Variants in HMHB1 observed in about 807,000 individuals in gnomAD.
The protein encoded by HMHB1 is minor histocompatibility protein HB-1.
Under a neutral mutation model 2.4 loss-of-function variants are expected in HMHB1, and 4 were observed. The ratio of observed to expected loss-of-function variants is 1.65; its 90% confidence interval spans 0.81 to 3.77. The LOEUF (loss-of-function observed/expected upper bound fraction) is 3.77. Among genes scored for constraint, HMHB1 ranks in the 30% most tolerant of loss-of-function variants. The pLI, the probability that HMHB1 is intolerant of heterozygous loss-of-function variation, is 0.01. For missense variants in HMHB1, 57 were observed against 44.2 expected, an observed-to-expected ratio of 1.29 and a Z score of -0.82; for synonymous variants, 22 against 17.6, an observed-to-expected ratio of 1.25 and a Z score of -0.63.
chr5:143,815,677 G>A (rs1448882867), intron 1 of HMHB1, among the ~76,000 whole-genome samples: 3 of 150,004 alleles, frequency 2.0e-5, no homozygotes, highest in African/African-American at 4.9e-5. Context: ...ACAGGTGAGC[G>A]CCACCATGCC....
intron 1 of HMHB1, among the ~76,000 whole-genome samples, chr5:143,817,565 T>C (rs1202394699): frequency 6.6e-6 from 1 of 152,256 alleles, no homozygotes; most frequent in Non-Finnish European, 1.5e-5. Context: ...TTGGTCTATG[T>C]GCCTATTTTT....
chr5:143,820,333 A>AC, intron 1 of HMHB1, 147 bp from the exon 2 acceptor site: 2 of 325,332 alleles, frequency 6.1e-6, no homozygotes, highest in Non-Finnish European at 5.5e-6. Context: ...AAAAAAAAAA[A>AC]AAAAAAAAAA....
At chr5:143,815,756 G>T (rs1759741038) in intron 1 of HMHB1, among the ~76,000 whole-genome samples, 1 of 150,116 alleles carries the variant, frequency 6.7e-6, no homozygotes, top group Non-Finnish European at 1.5e-5. Flanking sequence ...CCGGACTGCG[G>T]ACTGCAGTGG....
chr5:143,813,412 CAG>C (rs1484668557), intron 1 of HMHB1, among the ~76,000 whole-genome samples: 1 of 152,196 alleles, frequency 6.6e-6, no homozygotes, highest in African/African-American at 2.4e-5. Context: ...CCTCCTCCAT[CAG>C]AGCATGGGAT....
At chr5:143,818,165 A>G (rs1306973872) in intron 1 of HMHB1, among the ~76,000 whole-genome samples, 4 of 152,244 alleles carry the variant, frequency 2.6e-5, no homozygotes, top group Admixed American at 1.3e-4. Context: ...TTGAACTTCT[A>G]TATTATTCCA....
intron 1 of HMHB1, among the ~76,000 whole-genome samples, chr5:143,814,846 A>G (rs762265903): frequency 4.6e-5 from 7 of 152,202 alleles, no homozygotes; most frequent in Non-Finnish European, 7.3e-5. Flanking sequence ...GTTATCCTTC[A>G]AAGTAGTGCT....
Position 143,820,673 on chromosome 5 carries a change from C to A in HMHB1, c.*105C>A. On this transcript the variant is annotated 3_prime_UTR_variant, in exon 2 of 2. Coordinates refer to ENST00000289448, the MANE Select transcript of HMHB1 (RefSeq NM_021182.3). ...TAAAATTAAGCAAGTGGAACATATG[C>A]CCTTTGCCTCTGCTCTGCACAGTGA... The A allele has an allele frequency of 1.4e-6, 1 of 733,444 alleles. No homozygotes were observed. The highest frequency in any genetic ancestry group is 2.5e-6 in the Non-Finnish European group (1 of 402,060). The allele number at this position is 733,444 out of a possible 1,614,324, so 45.4% of individuals were successfully genotyped here.
chr5:143,812,383 T>G, intron 1 of HMHB1, 79 bp downstream of exon 1: 27 of 1,359,976 alleles, frequency 2.0e-5, no homozygotes, highest in Non-Finnish European at 2.7e-5. Flanking sequence ...AAGAAAATGC[T>G]GGTGGAATGA....
chr5:143,813,915 A>G (rs1195022005), intron 1 of HMHB1, among the ~76,000 whole-genome samples: 3 of 152,216 alleles, frequency 2.0e-5, no homozygotes, highest in Non-Finnish European at 2.9e-5. Flanking sequence ...CAAATATGGC[A>G]CATGATATTT....
At chr5:143,815,336 G>T (rs1337576375) in intron 1 of HMHB1, among the ~76,000 whole-genome samples, 1 of 152,196 alleles carries the variant, frequency 6.6e-6, no homozygotes, top group African/African-American at 2.4e-5. Context: ...CTCTTAGGGA[G>T]AATCCTTTTC....
chr5:143,813,716 C>A (rs567333511), intron 1 of HMHB1, among the ~76,000 whole-genome samples: 2 of 151,932 alleles, frequency 1.3e-5, no homozygotes, highest in African/African-American at 4.8e-5. Flanking sequence ...AAATAAAATT[C>A]TTTTGTAAGG....
chr5:143,819,996 G>C (rs1001934297), intron 1 of HMHB1, among the ~76,000 whole-genome samples: 12 of 151,976 alleles, frequency 7.9e-5, no homozygotes, highest in African/African-American at 2.9e-4. Context: ...ATGTTTTTCT[G>C]CTATTCAACA....
intron 1 of HMHB1, among the ~76,000 whole-genome samples, chr5:143,814,539 G>C (rs1276627343): frequency 6.6e-6 from 1 of 152,162 alleles, no homozygotes; most frequent in Non-Finnish European, 1.5e-5. Flanking sequence ...GTCAGAGAGA[G>C]GACAGTCTGA....
At chr5:143,816,164 T>TG (rs1418558380) in intron 1 of HMHB1, among the ~76,000 whole-genome samples, 1 of 152,228 alleles carries the variant, frequency 6.6e-6, no homozygotes, top group African/African-American at 2.4e-5. Flanking sequence ...ATGAGCATCT[T>TG]GGGGGAGAAT....
At chr5:143,820,331 A>AC (rs1321237260) in intron 1 of HMHB1, 149 bp from the exon 2 acceptor site, 22 of 309,642 alleles carry the variant, frequency 7.1e-5, no homozygotes, top group African/African-American at 6.8e-4. Context: ...AAAAAAAAAA[A>AC]AAAAAAAAAA....
chr5:143,817,003 T>G (rs1450842682), intron 1 of HMHB1, among the ~76,000 whole-genome samples: 2 of 152,248 alleles, frequency 1.3e-5, no homozygotes, highest in East Asian at 3.8e-4. Flanking sequence ...GTATATCTTC[T>G]TCTGAGAATT....
chr5:143,816,847 T>A (rs1581011689), intron 1 of HMHB1, among the ~76,000 whole-genome samples: 1 of 152,234 alleles, frequency 6.6e-6, no homozygotes. Flanking sequence ...CCCCGTTCAC[T>A]GCATCCATGC....
chr5:143,813,007 C>A (rs1759710392), intron 1 of HMHB1, among the ~76,000 whole-genome samples: 2 of 152,068 alleles, frequency 1.3e-5, no homozygotes, highest in Admixed American at 6.6e-5. Context: ...AGAGGACACA[C>A]GGAGCCCTGG....
chr5:143,817,580 C>T (rs1759763888), intron 1 of HMHB1, among the ~76,000 whole-genome samples: 1 of 152,114 alleles, frequency 6.6e-6, no homozygotes, highest in Admixed American at 6.5e-5. Flanking sequence ...ATTTTTATAC[C>T]AGTACCATGC....
Sources: gnomAD v4.1 joint callset for allele counts (sites outside exome capture counted in the v4.1 genomes callset) on GRCh38, gnomAD v4.1.1 for gene constraint, MANE v1.5 for transcripts, NCBI Gene and HGNC (gene_info 2026-07-23, HGNC 2026-07-21) for gene names.